FRMPD4: variants seen among roughly 807,000 people sequenced by gnomAD.
FRMPD4 encodes FERM and PDZ domain containing 4, also known as FERM and PDZ domain-containing protein 4.
A neutral mutation model predicts 94.1 loss-of-function variants in FRMPD4; 22 were observed. That is an observed-to-expected ratio of 0.23 (90% CI 0.17 to 0.33). FRMPD4 has a LOEUF of 0.33. Ranked by LOEUF, FRMPD4 falls within the 10% of genes least tolerant of loss-of-function variation. FRMPD4 has a pLI of 1.00. For missense variants in FRMPD4, 1,111 were observed against 1,339.9 expected (o/e 0.83, Z 2.67); for synonymous variants, 631 against 548.6 (o/e 1.15, Z -2.10).
At chrX:12,027,960 A>T (rs2054669802) in intron 3 of FRMPD4, among the ~76,000 whole-genome samples, 2 of 112,376 alleles carry the variant, frequency 1.8e-5, no homozygotes, top group African/African-American at 6.5e-5. Context: ...CCAACCATTG[A>T]ATTTTATAAC....
intron 1 of FRMPD4, among the ~76,000 whole-genome samples, chrX:12,229,045 G>A (rs2056954835): frequency 8.9e-6 from 1 of 112,023 alleles, no homozygotes; most frequent in Non-Finnish European, 1.9e-5. Flanking sequence ...ATTTATACGT[G>A]AAAGCTTCTC....
intron 3 of FRMPD4, among the ~76,000 whole-genome samples, chrX:12,613,797 G>C (rs934069482): frequency 8.9e-6 from 1 of 111,941 alleles, no homozygotes; most frequent in Non-Finnish European, 1.9e-5. Flanking sequence ...CTAACACGGT[G>C]AAACCCCGTC....
intron 4 of FRMPD4, among the ~76,000 whole-genome samples, chrX:12,654,624 T>C (rs6530551): frequency 0.28 from 31,210 of 110,823 alleles, 3,631 homozygotes; most frequent in East Asian, 0.6. Context: ...AGTTCTACCA[T>C]GTAATAGCTG....
intron 1 of FRMPD4, among the ~76,000 whole-genome samples, chrX:12,192,014 T>A (rs1269828407): frequency 9.0e-6 from 1 of 111,663 alleles, no homozygotes; most frequent in Non-Finnish European, 1.9e-5. Context: ...TCTGCTTAAT[T>A]TTGCTGTGAA....
chrX:12,600,569 T>C (rs1003693493), intron 2 of FRMPD4, among the ~76,000 whole-genome samples: 1 of 112,673 alleles, frequency 8.9e-6, no homozygotes, highest in African/African-American at 3.2e-5. Context: ...TCTCACTCTT[T>C]GCTGTATCTT....
intron 3 of FRMPD4, among the ~76,000 whole-genome samples, chrX:11,896,890 T>C (rs922916669): frequency 9.0e-6 from 1 of 111,403 alleles, no homozygotes; most frequent in African/African-American, 3.3e-5. Context: ...GCAGGTCTGG[T>C]ACAAAGCCTG....
intron 1 of FRMPD4, among the ~76,000 whole-genome samples, chrX:12,332,201 T>G (rs1323421299): frequency 4.6e-4 from 31 of 67,862 alleles, no homozygotes; most frequent in Middle Eastern, 6.8e-3. Flanking sequence ...TATATATATA[T>G]ATATATAGAG....
intron 1 of FRMPD4, among the ~76,000 whole-genome samples, chrX:11,835,556 C>A (rs766378918): frequency 8.9e-6 from 1 of 112,122 alleles, no homozygotes; most frequent in South Asian, 3.7e-4. Context: ...AGCAGGGGTA[C>A]TATAGGGTCA....
chrX:12,416,242 G>A (rs1462552960), intron 1 of FRMPD4, among the ~76,000 whole-genome samples: 1 of 105,819 alleles, frequency 9.5e-6, no homozygotes, highest in Non-Finnish European at 1.9e-5. Context: ...TTCTTTTTTT[G>A]GATATAAATA....
At chrX:11,833,227 C>T (rs904377979) in intron 1 of FRMPD4, among the ~76,000 whole-genome samples, 1 of 112,178 alleles carries the variant, frequency 8.9e-6, no homozygotes, top group African/African-American at 3.2e-5. Context: ...GTTTCTTTAT[C>T]CATTCATCTA....
intron 1 of FRMPD4, among the ~76,000 whole-genome samples, chrX:12,203,151 T>C (rs2056649888): frequency 8.9e-6 from 1 of 111,878 alleles, no homozygotes; most frequent in African/African-American, 3.3e-5. Context: ...TGTGCCCTTA[T>C]CTTGTAGCTT....
intron 1 of FRMPD4, among the ~76,000 whole-genome samples, chrX:12,205,885 G>A (rs1401617549): frequency 5.3e-5 from 6 of 112,449 alleles, no homozygotes; most frequent in African/African-American, 1.9e-4. Context: ...CAAAGAAGAA[G>A]ACACTGTCTT....
At chrX:12,258,888 A>G (rs2054151624) in intron 1 of FRMPD4, among the ~76,000 whole-genome samples, 1 of 111,161 alleles carries the variant, frequency 9.0e-6, no homozygotes, top group African/African-American at 3.3e-5. Context: ...TCCCTACTGT[A>G]CTATCAAATA....
At chrX:12,221,305 T>G (rs6640939) in intron 1 of FRMPD4, among the ~76,000 whole-genome samples, 16,699 of 111,678 alleles carry the variant, frequency 0.15, 1,240 homozygotes, top group East Asian at 0.49. Context: ...CTACCACCCT[T>G]GTTACCTAGC....
chrX:12,232,867 T>A (rs1463703001), intron 1 of FRMPD4, among the ~76,000 whole-genome samples: 1 of 112,005 alleles, frequency 8.9e-6, no homozygotes, highest in Non-Finnish European at 1.9e-5. Context: ...GTAGGAGTTA[T>A]AGGCAAGTGC....
Position 12,497,474 on chromosome X carries a change from TA to T in FRMPD4, c.42-1192del, listed in dbSNP as rs200256322. Among the ~76,000 whole-genome samples, 456 of 96,063 alleles carry T rather than the reference TA, an allele frequency of 4.7e-3. 3 individuals are homozygous for T. Among genetic ancestry groups the T allele is most frequent in the Admixed American group, 0.024 (213 of 8,806 alleles). 83.4% of individuals were successfully genotyped at this position (96,063 alleles called of 115,157 possible). ...CTCTCACTGCAGGGAAGCAGCACAT[TA>T]AAAAAAAAAAAAACCACCAGAGGAA... On this transcript the variant is annotated intron_variant, in intron 1 of 16. Transcript: ENST00000675598.
At chrX:12,601,062 G>A (rs2148406551) in intron 2 of FRMPD4, among the ~76,000 whole-genome samples, 1 of 112,347 alleles carries the variant, frequency 8.9e-6, no homozygotes, top group East Asian at 2.8e-4. Context: ...TTATTTCAAA[G>A]CCTCCTAAAA....
intron 3 of FRMPD4, among the ~76,000 whole-genome samples, chrX:11,899,431 T>G (rs1190019065): frequency 9.1e-6 from 1 of 109,325 alleles, no homozygotes; most frequent in Non-Finnish European, 1.9e-5. Flanking sequence ...CCAACCTCCC[T>G]TTCATTTATT....
chrX:12,348,659 G>A (rs932831871), intron 1 of FRMPD4, among the ~76,000 whole-genome samples: 3 of 109,735 alleles, frequency 2.7e-5, no homozygotes, highest in Non-Finnish European at 5.7e-5. Context: ...AAAAAAAGAG[G>A]CATTTTAAAA....
Sources: gnomAD v4.1 joint callset for allele counts (sites outside exome capture counted in the v4.1 genomes callset) on GRCh38, gnomAD v4.1.1 for gene constraint, MANE v1.5 for transcripts, NCBI Gene and HGNC (gene_info 2026-07-23, HGNC 2026-07-21) for gene names.